Variants in GPATCH8 observed in about 807,000 individuals in gnomAD.
The protein encoded by GPATCH8 is G-patch domain containing 8.
GPATCH8 carries 18 observed loss-of-function variants against 118.3 expected under a neutral mutation model. That is an observed-to-expected ratio of 0.15 (90% CI 0.11 to 0.23). GPATCH8 has a LOEUF of 0.23. Ranked by LOEUF, GPATCH8 falls within the 10% of genes least tolerant of loss-of-function variation. The pLI is 1.00. For synonymous variants in GPATCH8, 659 were observed against 684.7 expected (o/e 0.96, Z 0.59); for missense variants, 1,631 against 1,873.8 (o/e 0.87, Z 2.39).
chr17:44,443,541 T>G (rs2050773749), intron 3 of GPATCH8, among the ~76,000 whole-genome samples: 1 of 152,016 alleles, frequency 6.6e-6, no homozygotes, highest in African/African-American at 2.4e-5. Flanking sequence ...GTTTTTAAGG[T>G]TTAAAAAAAA....
At chr17:44,481,437 CAAAT>C (rs1387493470) in intron 1 of GPATCH8, among the ~76,000 whole-genome samples, 2 of 152,072 alleles carry the variant, frequency 1.3e-5, no homozygotes, top group African/African-American at 4.8e-5. Flanking sequence ...AGATGAATCT[CAAAT>C]TAATTATGCT....
At chr17:44,424,662 G>A (rs541503435) in intron 5 of GPATCH8, among the ~76,000 whole-genome samples, 170 bp from the exon 6 acceptor site, 25 of 152,294 alleles carry the variant, frequency 1.6e-4, no homozygotes, top group African/African-American at 5.8e-4. Context: ...TGGGTAATCT[G>A]TGTGTCGTCA....
At chr17:44,420,260 G>A (rs573827659) in intron 6 of GPATCH8, among the ~76,000 whole-genome samples, 2 of 151,960 alleles carry the variant, frequency 1.3e-5, no homozygotes, top group South Asian at 2.1e-4. Context: ...GAATATTCTG[G>A]ATCACCTAGA....
In GPATCH8 at chr17:44,398,991, T is replaced by C; in HGVS notation, c.3086A>G (p.Lys1029Arg). 6.2e-7 allele frequency: 1 copy of C among 1,614,070 alleles called. No homozygotes were observed. Among genetic ancestry groups the C allele is most frequent in the Non-Finnish European group, 8.5e-7 (1 of 1,179,972 alleles). Residue 1029 changes from lysine (K) to arginine (R), a missense_variant, in exon 8 of 8, where the codon AAG becomes AGG. Around this residue, in one of 8 missense-constraint regions of GPATCH8, gnomAD observed 922 missense variants for 879.7 expected, o/e 1.05. Coordinates refer to ENST00000591680, the MANE Select transcript of GPATCH8 (RefSeq NM_001002909.4). ...GTGGGGGGACTGGGAGCGGTAGATC[T>C]TAGAACGAATGAAGTCCCGACGCCC... is the stretch of plus-strand genomic sequence containing the variant. ...HSGRRDFIRS[K>R]IYRSQSPHYF...
At chr17:44,433,713 A>G (rs2050398554) in intron 5 of GPATCH8, among the ~76,000 whole-genome samples, 1 of 152,226 alleles carries the variant, frequency 6.6e-6, no homozygotes, top group African/African-American at 2.4e-5. Flanking sequence ...AGGAACTCCA[A>G]TATCTGAAGT....
intron 2 of GPATCH8, among the ~76,000 whole-genome samples, chr17:44,470,744 G>A (rs1178700417): frequency 2.0e-5 from 3 of 152,062 alleles, no homozygotes; most frequent in Non-Finnish European, 4.4e-5. Flanking sequence ...TCCTGACCTC[G>A]TCATCTGCCC....
intron 1 of GPATCH8, among the ~76,000 whole-genome samples, chr17:44,502,939 C>A (rs1455207602): frequency 6.6e-6 from 1 of 152,234 alleles, no homozygotes; most frequent in African/African-American, 2.4e-5. Context: ...GCCTTGGCCT[C>A]AGCAATACTC....
At chr17:44,443,187 T>A (rs1205273667) in intron 3 of GPATCH8, among the ~76,000 whole-genome samples, 1 of 152,168 alleles carries the variant, frequency 6.6e-6, no homozygotes, top group Non-Finnish European at 1.5e-5. Flanking sequence ...AATACATATG[T>A]GAAAATCAAG....
At chr17:44,453,528 T>TGTGTGTGCGCGC (rs1482667373) in intron 3 of GPATCH8, among the ~76,000 whole-genome samples, 18 of 150,690 alleles carry the variant, frequency 1.2e-4, no homozygotes, top group African/African-American at 4.4e-4. Flanking sequence ...TGTGTGTGTG[T>TGTGTGTGCGCGC]GTGCAGGCGC....
At chr17:44,448,765 G>A (rs1485041976) in intron 3 of GPATCH8, among the ~76,000 whole-genome samples, 1 of 149,254 alleles carries the variant, frequency 6.7e-6, no homozygotes, top group Non-Finnish European at 1.5e-5. Flanking sequence ...ATTAGGCTAA[G>A]GCTAAGACTA....
chr17:44,434,376 C>T (rs955048245), intron 5 of GPATCH8, among the ~76,000 whole-genome samples: 18 of 151,906 alleles, frequency 1.2e-4, no homozygotes, highest in African/African-American at 4.1e-4. Flanking sequence ...ATAAAACACA[C>T]AAAAATTTAA....
At chr17:44,429,685 C>CACACACACACACACACAA (rs1567976291) in intron 5 of GPATCH8, among the ~76,000 whole-genome samples, 8 of 141,612 alleles carry the variant, frequency 5.6e-5, no homozygotes, top group South Asian at 2.3e-4. Flanking sequence ...CACACACACA[C>CACACACACACACACACAA]AAAACAACAA....
chr17:44,499,481 T>A (rs1013903336), intron 1 of GPATCH8, among the ~76,000 whole-genome samples: 4 of 152,032 alleles, frequency 2.6e-5, no homozygotes, highest in East Asian at 3.9e-4. Context: ...AAAAAATAAA[T>A]AAATAAATAA....
At position 44,399,688 on chromosome 17, in the gene GPATCH8, G is replaced by A; in HGVS notation, c.2389C>T (p.Arg797Ter). Residue 797 changes from arginine to a stop codon, truncating the protein, a stop_gained, in exon 8 of 8, where the codon CGA becomes TGA. Coordinates refer to ENST00000591680, the MANE Select transcript of GPATCH8 (RefSeq NM_001002909.4). LOFTEE classifies it high-confidence loss of function. ...CTGCTCCGTTTGGTGCCTGCTCTTC[G>A]CTGGCAGGATGAAGGTGGAAGTTCA... ...KGELPPSSCQ[R>*]RAGTKRSSRS... is the part of the protein sequence containing the mutation. The A allele has an allele frequency of 6.2e-7, 1 of 1,614,050 alleles. No individual in the cohort carries two copies.
chr17:44,402,719 T>C (rs2049074071), intron 7 of GPATCH8, among the ~76,000 whole-genome samples: 2 of 152,244 alleles, frequency 1.3e-5, no homozygotes, highest in South Asian at 2.1e-4. Context: ...GTGCTACTTA[T>C]GGCAGTCTGT....
intron 6 of GPATCH8, among the ~76,000 whole-genome samples, chr17:44,414,117 GTATATATATGTGTA>G (rs2049573279): frequency 7.2e-6 from 1 of 138,090 alleles, no homozygotes; most frequent in African/African-American, 2.9e-5. Context: ...ATATATATAT[GTATATATATGTGTA>G]TATATATATA....
intron 2 of GPATCH8, among the ~76,000 whole-genome samples, chr17:44,472,596 A>G (rs1328678778): frequency 2.0e-5 from 3 of 152,222 alleles, no homozygotes; most frequent in Non-Finnish European, 4.4e-5. Flanking sequence ...TGTGTAAGAC[A>G]ATTAACCAAC....
At chr17:44,474,652 C>A in intron 2 of GPATCH8, 177 bp downstream of exon 2, 1 of 685,060 alleles carries the variant, frequency 1.5e-6, no homozygotes, top group Non-Finnish European at 2.7e-6. Context: ...GATTTCCCAA[C>A]ATATTAAATA....
At chr17:44,471,669 A>G (rs1967288691) in intron 2 of GPATCH8, among the ~76,000 whole-genome samples, 1 of 152,200 alleles carries the variant, frequency 6.6e-6, no homozygotes, top group Admixed American at 6.5e-5. Context: ...TGTTAGAAGT[A>G]ACACCATTTT....
Sources: gnomAD v4.1 joint callset for allele counts (sites outside exome capture counted in the v4.1 genomes callset) on GRCh38, gnomAD v4.1.1 for gene constraint, gnomAD v4.1.1 regional missense constraint, MANE v1.5 for transcripts, NCBI Gene and HGNC (gene_info 2026-07-23, HGNC 2026-07-21) for gene names.